Variants in ATP8A2 observed in about 807,000 individuals in gnomAD.
ATP8A2 encodes the protein ATPase phospholipid transporting 8A2.
In ATP8A2, 100 loss-of-function variants were observed where a neutral mutation model predicts 165.6. The observed-to-expected ratio is 0.60, with a 90% CI of 0.51 to 0.71. The LOEUF (loss-of-function observed/expected upper bound fraction) is 0.71, where lower values mean the gene tolerates loss of function less well. ATP8A2 is among the 30% of genes least tolerant of loss of function. The probability of loss-of-function intolerance (pLI) is 0.00; values close to 1 mark genes in which losing one functional copy is unlikely to be tolerated. For missense variants in ATP8A2, 1,227 were observed against 1,479.5 expected (o/e 0.83, Z 2.80); for synonymous variants, 543 against 548.8 (o/e 0.99, Z 0.15).
chr13:25,548,935 C>G (rs1488430997), intron 10 of ATP8A2, among the ~76,000 whole-genome samples: 1 of 152,136 alleles, frequency 6.6e-6, no homozygotes, highest in Non-Finnish European at 1.5e-5. Flanking sequence ...TTTCTTGGAG[C>G]TTAGGAGTGA....
chr13:25,700,671 T>C (rs1288782148), intron 25 of ATP8A2, among the ~76,000 whole-genome samples: 1 of 152,246 alleles, frequency 6.6e-6, no homozygotes, highest in Non-Finnish European at 1.5e-5. Context: ...AAGATTGATG[T>C]ACAAGCTTCT....
At chr13:25,950,664 G>T (rs915751732) in intron 33 of ATP8A2, 4 of 152,176 alleles carry the variant, frequency 2.6e-5, no homozygotes, top group African/African-American at 9.7e-5. Flanking sequence ...TTGCTTCAGG[G>T]TTTCCTTTCT....
At chr13:25,804,607 A>G (rs1950690592) in intron 27 of ATP8A2, among the ~76,000 whole-genome samples, 1 of 152,180 alleles carries the variant, frequency 6.6e-6, no homozygotes, top group South Asian at 2.1e-4. Context: ...CACATTCTAA[A>G]TATAGAAGTG....
intron 24 of ATP8A2, among the ~76,000 whole-genome samples, chr13:25,675,737 T>C (rs535160585): frequency 6.6e-6 from 1 of 152,164 alleles, no homozygotes; most frequent in Non-Finnish European, 1.5e-5. Context: ...GAAAATACTC[T>C]CCTGGGTTGT....
intron 33 of ATP8A2, among the ~76,000 whole-genome samples, chr13:25,887,358 GAC>G (rs1304476063): frequency 6.7e-6 from 1 of 149,712 alleles, no homozygotes; most frequent in Non-Finnish European, 1.5e-5. Flanking sequence ...TTTTTTTTAA[GAC>G]AGAGTTTTGC....
chr13:25,847,150 T>C (rs1306580514), intron 30 of ATP8A2, among the ~76,000 whole-genome samples: 1 of 152,206 alleles, frequency 6.6e-6, no homozygotes, highest in Non-Finnish European at 1.5e-5. Flanking sequence ...GTTCATAAAA[T>C]CCTGAAGTTA....
At chr13:25,570,482 G>A (rs1367008919) in intron 16 of ATP8A2, among the ~76,000 whole-genome samples, 1 of 152,192 alleles carries the variant, frequency 6.6e-6, no homozygotes. Flanking sequence ...AGGGTGTGTG[G>A]AGGTACAGGA....
intron 2 of ATP8A2, among the ~76,000 whole-genome samples, chr13:25,480,320 G>A (rs1187127544): frequency 1.3e-5 from 2 of 151,602 alleles, no homozygotes; most frequent in African/African-American, 2.4e-5. Flanking sequence ...CCTCCCGGAC[G>A]GGGCGGCTGC....
chr13:25,666,607 T>C (rs1018501924), intron 24 of ATP8A2, among the ~76,000 whole-genome samples: 1 of 152,220 alleles, frequency 6.6e-6, no homozygotes, highest in African/African-American at 2.4e-5. Flanking sequence ...GAGTTAATTA[T>C]GACAATTATC....
At chr13:25,966,590 T>G (rs1486353892) in intron 34 of ATP8A2, among the ~76,000 whole-genome samples, 1 of 152,140 alleles carries the variant, frequency 6.6e-6, no homozygotes, top group Non-Finnish European at 1.5e-5. Flanking sequence ...GCAACAAAGT[T>G]CCCAGGCTAG....
intron 16 of ATP8A2, among the ~76,000 whole-genome samples, chr13:25,564,725 T>C (rs1227625324): frequency 6.6e-6 from 1 of 152,190 alleles, no homozygotes; most frequent in Non-Finnish European, 1.5e-5. Flanking sequence ...AAAAATTGTA[T>C]TGAGGAACAG....
intron 33 of ATP8A2, among the ~76,000 whole-genome samples, chr13:25,915,860 A>T (rs894999207): frequency 6.6e-6 from 1 of 152,240 alleles, no homozygotes; most frequent in African/African-American, 2.4e-5. Flanking sequence ...ATGAACTCTA[A>T]GGTTTCCTTC....
At chr13:25,667,931 A>G (rs7329213) in intron 24 of ATP8A2, among the ~76,000 whole-genome samples, 7,711 of 152,228 alleles carry the variant, frequency 0.051, 644 homozygotes, top group African/African-American at 0.18. Flanking sequence ...TCAATAGCAT[A>G]TAAGAACCCT....
At chr13:25,611,630 A>C (rs1362675586) in intron 24 of ATP8A2, among the ~76,000 whole-genome samples, 2 of 151,784 alleles carry the variant, frequency 1.3e-5, no homozygotes, top group African/African-American at 4.8e-5. Flanking sequence ...TCCTTTCCTC[A>C]TTTTGGTATT....
At chr13:25,965,746 T>C (rs1175036225) in intron 34 of ATP8A2, among the ~76,000 whole-genome samples, 1 of 152,194 alleles carries the variant, frequency 6.6e-6, no homozygotes, top group Non-Finnish European at 1.5e-5. Context: ...TTTGCTTTTA[T>C]CTAGCTGTAT....
intron 10 of ATP8A2, among the ~76,000 whole-genome samples, chr13:25,548,683 T>A (rs1004403197): frequency 6.6e-6 from 1 of 152,186 alleles, no homozygotes; most frequent in East Asian, 1.9e-4. Context: ...GGATTTCCAT[T>A]TAGACTCCTG....
chr13:25,678,016 A>G (rs2042406609), intron 24 of ATP8A2, among the ~76,000 whole-genome samples: 1 of 152,200 alleles, frequency 6.6e-6, no homozygotes, highest in African/African-American at 2.4e-5. Flanking sequence ...TGATGGAAAG[A>G]ATGCAGGAAT....
chr13:25,751,561 T>C (rs2044154221), intron 25 of ATP8A2, among the ~76,000 whole-genome samples: 1 of 152,238 alleles, frequency 6.6e-6, no homozygotes, highest in South Asian at 2.1e-4. Flanking sequence ...CTCAGCCTCC[T>C]GAGTAGCTGG....
chr13:25,964,686 GA>G lies in ATP8A2; in HGVS notation c.3272+3026del, dbSNP rs1955738602. ...TCTGTGATGCACCTTGGGGTTCCCA[GA>G]AAGGGTGTGTATTTGAGAGTGGGCA... On this transcript the variant is annotated intron_variant, in intron 34 of 36. Coordinates refer to ENST00000381655, the MANE Select transcript of ATP8A2 (RefSeq NM_016529.6). Among the ~76,000 whole-genome samples the G allele has an allele frequency of 2.6e-5, 4 of 152,322 alleles. No homozygotes were observed. In the South Asian group the frequency reaches 8.3e-4, roughly 32 times the overall value.
Sources: allele counts gnomAD v4.1 joint callset (sites outside exome capture counted in the v4.1 genomes callset), GRCh38; gene constraint gnomAD v4.1.1; transcripts MANE v1.5; gene names NCBI Gene and HGNC (gene_info 2026-07-23, HGNC 2026-07-21).